Variants in MBD1 observed in about 807,000 individuals in gnomAD.
MBD1 encodes methyl-CpG-binding domain protein 1.
MBD1 carries 25 observed loss-of-function variants against 82.6 expected under a neutral mutation model. That is an observed-to-expected ratio of 0.30 (90% CI 0.22 to 0.42). The LOEUF (loss-of-function observed/expected upper bound fraction) is 0.42. Ranked by LOEUF, MBD1 falls within the 10% of genes least tolerant of loss-of-function variation. The pLI is 1.00. For missense variants in MBD1, 627 were observed against 819.6 expected, an observed-to-expected ratio of 0.76 and a Z score of 2.87; for synonymous variants, 301 against 303.7, an observed-to-expected ratio of 0.99 and a Z score of 0.09.
chr18:50,269,351 AG>A lies in MBD1; in HGVS notation c.*499del. 3 of 1,324,702 alleles carry A rather than the reference AG, an allele frequency of 2.3e-6. No homozygotes were observed. Among genetic ancestry groups the A allele is most frequent in the Non-Finnish European group, 2.9e-6 (3 of 1,026,150 alleles). The allele number at this position is 1,324,702 out of a possible 1,614,324, so 82.1% of individuals were successfully genotyped here. On this transcript the variant is annotated 3_prime_UTR_variant, in exon 17 of 17. Coordinates refer to ENST00000269468, the MANE Select transcript of MBD1 (RefSeq NM_015846.4). The stretch of plus-strand genomic sequence containing the variant: ...GGCTTTGTAATGTGTCACCTTGGTG[AG>A]GCTATGTTTCCCGGAACTCTCTTCC...
chr18:50,272,774 G>A, intron 14 of MBD1, 36 bp from the exon 15 acceptor site: 1 of 1,614,246 alleles, frequency 6.2e-7, no homozygotes. Flanking sequence ...CAATGTGGTT[G>A]TTGGGGCTAC....
intron 15 of MBD1, 59 bp from the exon 16 acceptor site, chr18:50,271,599 C>G: frequency 6.4e-7 from 1 of 1,571,172 alleles, no homozygotes; most frequent in Admixed American, 1.7e-5. Flanking sequence ...CGCAATGGAG[C>G]ATTACAAAAC....
chr18:50,269,263 T>G lies in MBD1; in HGVS notation c.*588A>C. ...CTTCAGCTTTGCATTTTCAGCCACA[T>G]AGTTATATTGAGTTATCCTCAGGTG... is the stretch of plus-strand genomic sequence containing the variant. On this transcript the variant is annotated 3_prime_UTR_variant, in exon 17 of 17. Coordinates refer to ENST00000269468, the MANE Select transcript of MBD1 (RefSeq NM_015846.4). 3.6e-6 allele frequency: 4 copies of G among 1,126,012 alleles called. No individual in the cohort carries two copies. The highest frequency in any genetic ancestry group is 3.3e-6 in the Non-Finnish European group (3 of 912,616). 69.8% of individuals were successfully genotyped at this position (1,126,012 alleles called of 1,614,324 possible).
chr18:50,269,839 T>C (rs368571642), intron 16 of MBD1, 21 bp from the exon 17 acceptor site: 37 of 819,822 alleles, frequency 4.5e-5, no homozygotes, highest in East Asian at 2.2e-4. Flanking sequence ...CAGCATTAGA[T>C]GCAAAGACAA....
rs899564265 is a variant in MBD1 at position 50,276,936 on chromosome 18, C to G, written c.288G>C (p.Arg96=). 6 of 1,614,140 alleles carry G rather than the reference C, an allele frequency of 3.7e-6. No homozygotes were observed. The highest frequency in any genetic ancestry group is 5.1e-6 in the Non-Finnish European group (6 of 1,180,054). ...RKKPSRPAKT[R]KRQVGPQSGE... ...CACTCTGGGGTCCAACCTGACGTTT[C>G]CGAGTCTTGGCTGGCCTTGAAGGCT... is the stretch of plus-strand genomic sequence containing the variant. The change falls in exon 4 of 17, where the codon CGG becomes CGC. Residue 96 remains arginine (R), a synonymous_variant. Transcript: ENST00000269468.
intron 5 of MBD1, 48 bp downstream of exon 5, chr18:50,276,613 CT>C (rs758724989): frequency 1.9e-6 from 3 of 1,595,480 alleles, no homozygotes; most frequent in Admixed American, 1.7e-5. Flanking sequence ...GACACTGGAC[CT>C]GCTCCAGCTC....
rs137981167 is a variant in MBD1 at position 50,275,641 on chromosome 18, G to C, written c.751C>G (p.Leu251Val). Reference sequence around the variant, plus strand: ...TGGACACATTTCCACTGGCGCCTGAGACCAGGGCGGGGAGGGCGAAGGCAG... The same window carrying C: ...TGGACACATTTCCACTGGCGCCTGACACCAGGGCGGGGAGGGCGAAGGCAG... ...PICLRPPRPG[L>V]RRQWKCVQRR... Residue 251 changes from leucine to valine, a missense_variant, in exon 8 of 17, where the codon CTC becomes GTC. Around this residue, in one of 6 missense-constraint regions of MBD1, gnomAD observed 228 missense variants for 318.1 expected, o/e 0.72. Transcript: ENST00000269468. The C allele has an allele frequency of 1.4e-5, 22 of 1,614,060 alleles. No homozygotes were observed. Among genetic ancestry groups the C allele is most frequent in the African/African-American group, 1.2e-4 (9 of 74,934 alleles).
At chr18:50,276,009 C>T (rs749513874) in intron 6 of MBD1, 28 bp from the exon 7 acceptor site, 29 of 1,603,320 alleles carry the variant, frequency 1.8e-5, no homozygotes, top group African/African-American at 1.5e-4. Context: ...GACGAGATCA[C>T]GGGCCTGCTC....
intron 13 of MBD1, 158 bp downstream of exon 13, chr18:50,273,176 G>C (rs2036334272): frequency 7.9e-7 from 1 of 1,262,874 alleles, no homozygotes; most frequent in Non-Finnish European, 1.1e-6. Flanking sequence ...GTTGCCTGTG[G>C]GAGGTAGGGT....
At chr18:50,274,773 A>T (rs1270231249) in intron 10 of MBD1, among the ~76,000 whole-genome samples, 1 of 152,192 alleles carries the variant, frequency 6.6e-6, no homozygotes, top group Admixed American at 6.5e-5. Context: ...CACATCAGCT[A>T]CCAGAGTGTT....
intron 15 of MBD1, 88 bp downstream of exon 15, chr18:50,272,589 G>T: frequency 6.8e-7 from 1 of 1,463,258 alleles, no homozygotes. Context: ...ACCACACCAT[G>T]CCAAACTGCC....
At chr18:50,276,617 T>TC in intron 5 of MBD1, 45 bp downstream of exon 5, 1 of 1,596,244 alleles carries the variant, frequency 6.3e-7, no homozygotes, top group South Asian at 1.1e-5. Context: ...CTGGACCTGC[T>TC]CCAGCTCCTA....
chr18:50,274,869 T>C (rs761989546), intron 10 of MBD1, 108 bp downstream of exon 10: 57 of 1,132,614 alleles, frequency 5.0e-5, no homozygotes, highest in Non-Finnish European at 7.1e-5. Context: ...TAGGACCCAT[T>C]ATTGTGCCTT....
In MBD1 at chr18:50,272,546, G is replaced by A. The variant is rs926158688; in HGVS notation, c.1778+131C>T. 6 of 970,592 alleles carry A rather than the reference G, an allele frequency of 6.2e-6. No homozygotes were observed. The African/African-American group carries it at 9.6e-5, about 16-fold the overall frequency. The allele number at this position is 970,592 out of a possible 1,614,324, so 60.1% of individuals were successfully genotyped here. On this transcript the variant is annotated intron_variant, in intron 15 of 16. Coordinates refer to ENST00000269468, the MANE Select transcript of MBD1 (RefSeq NM_015846.4). ...TACACACACGCCCCTCATTAATTGT[G>A]ACCAGCATAGTGGGTATGGGCCTTT... is the stretch of plus-strand genomic sequence containing the variant.
At chr18:50,268,584 T>A (rs958148231), downstream of MBD1, among the ~76,000 whole-genome samples, 1 of 152,212 alleles carries the variant, frequency 6.6e-6, no homozygotes, top group Non-Finnish European at 1.5e-5. Flanking sequence ...TGGGTGACTG[T>A]GGCTGGGAAC....
chr18:50,274,841 T>C (rs148283506), intron 10 of MBD1, 136 bp downstream of exon 10: 1 of 877,540 alleles, frequency 1.1e-6, no homozygotes, highest in African/African-American at 1.7e-5. Context: ...AGTCCTCCAT[T>C]ATCTACTCAT....
chr18:50,273,503 C>T, intron 12 of MBD1, 32 bp from the exon 13 acceptor site: 2 of 1,613,938 alleles, frequency 1.2e-6, no homozygotes, highest in Non-Finnish European at 1.7e-6. Context: ...CAGACTTGGT[C>T]TCAGCTCCCT....
chr18:50,279,619 C>T, intron 2 of MBD1: 2 of 441,466 alleles, frequency 4.5e-6, no homozygotes, highest in Non-Finnish European at 4.2e-6. Flanking sequence ...CTCCTTCAGC[C>T]TCAGCTAGAA....
chr18:50,276,325 A>C, intron 6 of MBD1, 53 bp downstream of exon 6: 2 of 1,575,388 alleles, frequency 1.3e-6, no homozygotes, highest in Non-Finnish European at 1.7e-6. Flanking sequence ...TACCAGCTCC[A>C]TCACATCCTG....
Sources: allele counts gnomAD v4.1 joint callset (sites outside exome capture counted in the v4.1 genomes callset), GRCh38; gene constraint gnomAD v4.1.1; regional missense constraint gnomAD v4.1.1; transcripts MANE v1.5; gene names NCBI Gene and HGNC (gene_info 2026-07-23, HGNC 2026-07-21).